Variants in CAMK2B observed in about 807,000 individuals in gnomAD.
CAMK2B encodes calcium/calmodulin-dependent protein kinase type II subunit beta.
CAMK2B carries 27 observed loss-of-function variants against 93.7 expected under a neutral mutation model. The observed-to-expected ratio is 0.29, with a 90% CI of 0.21 to 0.40. The LOEUF (loss-of-function observed/expected upper bound fraction) is 0.40. Among genes scored for constraint, CAMK2B ranks in the 10% least tolerant of loss-of-function variants. The pLI is 1.00. For missense variants in CAMK2B, 568 were observed against 895.8 expected (o/e 0.63, Z 4.67); for synonymous variants, 374 against 358.8 (o/e 1.04, Z -0.48).
At chr7:44,323,089 A>G (rs1407013548) in intron 1 of CAMK2B, among the ~76,000 whole-genome samples, 7 of 151,738 alleles carry the variant, frequency 4.6e-5, no homozygotes, top group Non-Finnish European at 8.8e-5. Context: ...TCCCTGGCCC[A>G]CCTCTATGGC....
intron 1 of CAMK2B, among the ~76,000 whole-genome samples, chr7:44,288,608 A>T (rs1019375956): frequency 6.6e-6 from 1 of 152,212 alleles, no homozygotes; most frequent in Non-Finnish European, 1.5e-5. Context: ...CAAGCATATT[A>T]TGGGGCTTTT....
intron 13 of CAMK2B, 69 bp downstream of exon 13, chr7:44,239,520 A>T (rs949952276): frequency 2.1e-6 from 3 of 1,398,296 alleles, no homozygotes; most frequent in African/African-American, 2.9e-5. Context: ...GGCTGCGTGC[A>T]GCAGGGGGCT....
At chr7:44,220,318 G>T (rs2096384246) in intron 22 of CAMK2B, 24 bp from the exon 23 acceptor site, 1 of 1,582,484 alleles carries the variant, frequency 6.3e-7, no homozygotes, top group African/African-American at 1.3e-5. Context: ...GCGGGGCGGG[G>T]GTCTCGGGTT....
intron 1 of CAMK2B, among the ~76,000 whole-genome samples, chr7:44,306,507 G>A (rs113991269): frequency 7.9e-5 from 12 of 152,222 alleles, no homozygotes; most frequent in African/African-American, 2.7e-4. Context: ...ACAGGAGGGA[G>A]GACCACCCAG....
chr7:44,287,825 T>C (rs1785555907), intron 1 of CAMK2B, among the ~76,000 whole-genome samples: 1 of 152,232 alleles, frequency 6.6e-6, no homozygotes, highest in Non-Finnish European at 1.5e-5. Context: ...CAGCTTGGTC[T>C]TTAGATATTG....
intron 1 of CAMK2B, among the ~76,000 whole-genome samples, chr7:44,298,785 C>A (rs552342663): frequency 1.3e-5 from 2 of 152,280 alleles, no homozygotes; most frequent in African/African-American, 4.8e-5. Flanking sequence ...ATATGTTCAA[C>A]ATCACTAGCC....
chr7:44,307,279 T>C (rs1314181745), intron 1 of CAMK2B, among the ~76,000 whole-genome samples: 1 of 94,080 alleles, frequency 1.1e-5, no homozygotes, highest in South Asian at 3.8e-4. Context: ...GGGAGGAGGG[T>C]GTGAGCAGAG....
chr7:44,259,255 G>A, intron 3 of CAMK2B: 2 of 283,246 alleles, frequency 7.1e-6, no homozygotes, highest in East Asian at 6.2e-5. Flanking sequence ...GTCCCAGCCT[G>A]GGCCTCAGCT....
Position 44,228,841 on chromosome 7 carries a change from G to C in CAMK2B, c.1423C>G (p.Pro475Ala), listed in dbSNP as rs1252609453. 12 of 1,499,816 alleles carry C rather than the reference G, an allele frequency of 8.0e-6. No homozygotes were observed. Among genetic ancestry groups the C allele is most frequent in the Non-Finnish European group, 6.2e-6 (7 of 1,125,418 alleles). 92.9% of individuals were successfully genotyped at this position (1,499,816 alleles called of 1,614,324 possible). Residue 475 changes from proline to alanine, a missense_variant, in exon 19 of 24, where the codon CCG becomes GCG. This residue lies in a region of CAMK2B where 308 missense variants were observed against 292.1 expected (regional missense o/e 1.05). Coordinates refer to ENST00000395749, the MANE Select transcript of CAMK2B (RefSeq NM_001220.5). ...AGGAGAGCCGGAGACAGGCAGGGCGGGGGCCCCGCTGAGAGGGGGCCCTCG... is the reference window on the plus strand; with the variant it reads ...AGGAGAGCCGGAGACAGGCAGGGCGCGGGCCCCGCTGAGAGGGGGCCCTCG... The part of the protein sequence containing the change: ...EAEGPLSAGP[P>A]PCLSPALLGP...
chr7:44,325,407 C>T lies in CAMK2B; in HGVS notation c.15G>A (p.Val5=), dbSNP rs759650562. 2.5e-6 allele frequency: 3 copies of T among 1,198,004 alleles called. No individual in the cohort carries two copies. Among genetic ancestry groups the T allele is most frequent in the Non-Finnish European group, 3.2e-6 (3 of 941,028 alleles). 74.2% of individuals were successfully genotyped at this position (1,198,004 alleles called of 1,614,324 possible). Residue 5 remains valine (V), a synonymous_variant, in exon 1 of 24, where the codon GTG becomes GTA. Transcript: ENST00000395749. ...ACTCGTCGGTGAAGCGGGTGCAGGT[C>T]ACCGTGGTGGCCATGGCGGCGGCGG... MATT[V]TCTRFTDEYQ...
chr7:44,220,804 C>T (rs764995263), intron 21 of CAMK2B, 22 bp downstream of exon 21: 37 of 1,559,812 alleles, frequency 2.4e-5, no homozygotes, highest in Admixed American at 3.8e-5. Flanking sequence ...TGCACAGCCC[C>T]CCCCCAGCCC....
intron 1 of CAMK2B, among the ~76,000 whole-genome samples, chr7:44,321,097 G>A (rs1795953924): frequency 6.6e-6 from 1 of 152,224 alleles, no homozygotes; most frequent in African/African-American, 2.4e-5. Flanking sequence ...AGTGCCTGGT[G>A]TGCTCTGGGG....
chr7:44,293,772 T>A (rs767592199), intron 1 of CAMK2B, among the ~76,000 whole-genome samples: 5 of 152,178 alleles, frequency 3.3e-5, no homozygotes, highest in African/African-American at 7.2e-5. Flanking sequence ...GGCTTGCCCA[T>A]GGCTCGTCTC....
chr7:44,242,052 C>T (rs910436010), intron 10 of CAMK2B, among the ~76,000 whole-genome samples, 166 bp downstream of exon 10: 2 of 152,174 alleles, frequency 1.3e-5, no homozygotes, highest in Non-Finnish European at 2.9e-5. Context: ...GCCTCACAAA[C>T]GTGCTGGTAT....
chr7:44,275,241 G>A (rs953588218), intron 2 of CAMK2B, among the ~76,000 whole-genome samples: 9 of 152,152 alleles, frequency 5.9e-5, no homozygotes, highest in Admixed American at 1.3e-4. Flanking sequence ...CTTCCCCAGG[G>A]GTCATGGAGG....
chr7:44,231,311 A>G (rs986056262), intron 16 of CAMK2B, among the ~76,000 whole-genome samples: 4 of 152,182 alleles, frequency 2.6e-5, no homozygotes, highest in African/African-American at 9.6e-5. Context: ...GGTCCCTGGG[A>G]GGGCGCCCCT....
chr7:44,314,444 G>A (rs539084101), intron 1 of CAMK2B, among the ~76,000 whole-genome samples: 66 of 152,358 alleles, frequency 4.3e-4, no homozygotes, highest in African/African-American at 1.6e-3. Flanking sequence ...TTCAGCATGT[G>A]TCGGTGCTTA....
chr7:44,276,709 G>T (rs945435318), intron 2 of CAMK2B, among the ~76,000 whole-genome samples: 1 of 152,204 alleles, frequency 6.6e-6, no homozygotes, highest in African/African-American at 2.4e-5. Context: ...TCTGTGGGGT[G>T]AGCCTCGGGC....
chr7:44,235,691 G>A (rs529978737), intron 13 of CAMK2B, among the ~76,000 whole-genome samples: 42 of 152,324 alleles, frequency 2.8e-4, no homozygotes, highest in African/African-American at 9.1e-4. Flanking sequence ...AAGAGCCAGG[G>A]CCATGCGGCC....
Sources: allele counts gnomAD v4.1 joint callset (sites outside exome capture counted in the v4.1 genomes callset), GRCh38; gene constraint gnomAD v4.1.1; regional missense constraint gnomAD v4.1.1; transcripts MANE v1.5; gene names NCBI Gene and HGNC (gene_info 2026-07-23, HGNC 2026-07-21).